GAL3ST1: variants seen among roughly 807,000 people sequenced by gnomAD.
GAL3ST1 encodes the protein galactosylceramide sulfotransferase.
GAL3ST1 carries 13 observed loss-of-function variants against 25.0 expected under a neutral mutation model. The observed-to-expected ratio is 0.52, with a 90% CI of 0.34 to 0.83. GAL3ST1 has a LOEUF of 0.83. Ranked by LOEUF, GAL3ST1 falls within the 40% of genes least tolerant of loss-of-function variation. The probability of loss-of-function intolerance (pLI) is 0.02; values close to 1 mark genes in which losing one functional copy is unlikely to be tolerated. For missense variants in GAL3ST1, 474 were observed against 613.6 expected (o/e 0.77, Z 2.40); for synonymous variants, 274 against 277.8 (o/e 0.99, Z 0.14).
intron 3 of GAL3ST1, among the ~76,000 whole-genome samples, chr22:30,556,610 C>T (rs1181722043): frequency 6.6e-6 from 1 of 152,184 alleles, no homozygotes; most frequent in Non-Finnish European, 1.5e-5. Flanking sequence ...AATCCATGCC[C>T]ATGGACAGGT....
intron 1 of GAL3ST1, among the ~76,000 whole-genome samples, chr22:30,562,565 C>T (rs2086469116): frequency 1.3e-5 from 2 of 152,200 alleles, no homozygotes; most frequent in Admixed American, 1.3e-4. Context: ...GGTTCACCGG[C>T]GTGCCAGAGG....
At chr22:30,564,448 G>C (rs1369709885) in intron 1 of GAL3ST1, among the ~76,000 whole-genome samples, 1 of 152,172 alleles carries the variant, frequency 6.6e-6, no homozygotes, top group East Asian at 1.9e-4. Flanking sequence ...CCCAGCAGCA[G>C]CAGAGACAGG....
chr22:30,567,465 G>C (rs2086659800), intron 1 of GAL3ST1, among the ~76,000 whole-genome samples: 1 of 152,068 alleles, frequency 6.6e-6, no homozygotes, highest in Non-Finnish European at 1.5e-5. Flanking sequence ...TTTTTGTAGA[G>C]ATGGGGTCTT....
Position 30,556,032 on chromosome 22 carries a change from C to T in GAL3ST1, c.193G>A (p.Ala65Thr), listed in dbSNP as rs145255306. 656 of 1,612,834 alleles carry T rather than the reference C, an allele frequency of 4.1e-4. 1 individual carries two copies. In the African/African-American group the frequency reaches 5.6e-3, roughly 14 times the overall value. Residue 65 changes from alanine (A) to threonine (T), a missense_variant, in exon 4 of 4, where the codon GCC becomes ACC. Ala to Thr is a moderately conservative substitution (Grantham distance 58, BLOSUM62 0). Transcript: ENST00000406361. ...TGGCACTCCCCCGCCGAGCCGTTGGCCCGGATCACTGCCTCTGGCTCGAGT... is the reference window on the plus strand; with the variant it reads ...TGGCACTCCCCCGCCGAGCCGTTGGTCCGGATCACTGCCTCTGGCTCGAGT... ...PALEPEAVIR[A>T]NGSAGECQPR...
intron 1 of GAL3ST1, among the ~76,000 whole-genome samples, chr22:30,570,418 C>T (rs1421622503): frequency 2.0e-5 from 3 of 152,176 alleles, no homozygotes; most frequent in Non-Finnish European, 4.4e-5. Context: ...ATAAAAGTGG[C>T]CACTGCAGTA....
At chr22:30,556,432 G>T (rs1330089165) in intron 3 of GAL3ST1, among the ~76,000 whole-genome samples, 1 of 152,114 alleles carries the variant, frequency 6.6e-6, no homozygotes, top group East Asian at 1.9e-4. Context: ...GGACAAAAAT[G>T]GTCCATTTTT....
In GAL3ST1 at chr22:30,567,685, G is replaced by T. The variant is rs569064854; in HGVS notation, c.-120+6781C>A. 1.5e-4 allele frequency among the ~76,000 whole-genome samples: 23 copies of T among 152,074 alleles called. No individual in the cohort carries two copies. In the East Asian group the frequency reaches 1.7e-3, roughly 11 times the overall value. On this transcript the variant is annotated intron_variant, in intron 1 of 3. Transcript: ENST00000406361. ...ATAGTTTTTTGTTTGGTTGTTTTTTGTTGTTGTTGTTGTTTGAGACAGAGT... is the reference window on the plus strand; with the variant it reads ...ATAGTTTTTTGTTTGGTTGTTTTTTTTTGTTGTTGTTGTTTGAGACAGAGT...
chr22:30,559,876 C>T (rs2086281736), intron 1 of GAL3ST1, among the ~76,000 whole-genome samples: 1 of 152,240 alleles, frequency 6.6e-6, no homozygotes, highest in Admixed American at 6.5e-5. Context: ...CCGAACTTTC[C>T]ACTTCTGTCC....
intron 1 of GAL3ST1, among the ~76,000 whole-genome samples, chr22:30,572,389 AC>A (rs1054405409): frequency 9.2e-5 from 14 of 151,752 alleles, no homozygotes; most frequent in African/African-American, 3.1e-4. Flanking sequence ...TGGCTCCACC[AC>A]CCCCCAAGCT....
intron 1 of GAL3ST1, among the ~76,000 whole-genome samples, chr22:30,563,073 G>A (rs994330158): frequency 6.6e-5 from 10 of 152,030 alleles, no homozygotes; most frequent in African/African-American, 1.2e-4. Flanking sequence ...CTGAGATTGC[G>A]CCATTGCACT....
chr22:30,572,910 C>G (rs1350058076), intron 1 of GAL3ST1: 1 of 152,260 alleles, frequency 6.6e-6, no homozygotes, highest in Non-Finnish European at 1.5e-5. Flanking sequence ...CTGGATGGCA[C>G]ACCCAGTCCC....
At chr22:30,568,943 GC>G (rs2086702799) in intron 1 of GAL3ST1, among the ~76,000 whole-genome samples, 1 of 152,114 alleles carries the variant, frequency 6.6e-6, no homozygotes, top group Admixed American at 6.6e-5. Context: ...GGGCGTGATG[GC>G]AGGCGCATGT....
intron 1 of GAL3ST1, among the ~76,000 whole-genome samples, chr22:30,571,402 G>A (rs978173176): frequency 6.6e-6 from 1 of 152,206 alleles, no homozygotes; most frequent in African/African-American, 2.4e-5. Flanking sequence ...CGCTGGCTCA[G>A]AGGACCACTT....
At chr22:30,557,135 T>C (rs1227682905) in intron 3 of GAL3ST1, 127 bp downstream of exon 3, 1 of 876,884 alleles carries the variant, frequency 1.1e-6, no homozygotes, top group Non-Finnish European at 1.8e-6. Flanking sequence ...TGGCACAGCA[T>C]GGTGCAGGGT....
rs2086856855 is a variant in GAL3ST1, at chr22:30,574,635, C to G, written c.-289G>C. On this transcript the variant is annotated 5_prime_UTR_variant, in exon 1 of 4. Transcript: ENST00000406361. ...GCGCCGCGCCCGCTCCCGCGCCGCG[C>G]CCGCTCCCGGCCAGGTGCCGCCGCC... 1 of 146,932 alleles carries G rather than the reference C, an allele frequency of 6.8e-6. No homozygotes were observed. Among genetic ancestry groups the G allele is most frequent in the Non-Finnish European group, 1.5e-5 (1 of 65,710 alleles). 9.1% of individuals were successfully genotyped at this position (146,932 alleles called of 1,614,324 possible). A position where few individuals can be genotyped will look rare whatever the true frequency, so the allele number is the denominator to read the frequency against.
chr22:30,558,079 C>T (rs568006581), intron 2 of GAL3ST1, among the ~76,000 whole-genome samples, 200 bp downstream of exon 2: 83 of 151,858 alleles, frequency 5.5e-4, no homozygotes, highest in South Asian at 3.5e-3. Context: ...TGAGCCATCG[C>T]GCCCGACCAT....
Position 30,556,061 on chromosome 22 carries a change from G to A in GAL3ST1, c.164C>T (p.Pro55Leu), listed in dbSNP as rs947633590. Residue 55 changes from proline (P) to leucine (L), a missense_variant, in exon 4 of 4, where the codon CCT becomes CTT. By Grantham distance (98) the Pro-to-Leu change is moderately conservative (BLOSUM62 -3). Around this residue, in one of 2 missense-constraint regions of GAL3ST1, gnomAD observed 115 missense variants for 109.2 expected, o/e 1.05. Coordinates refer to ENST00000406361, the MANE Select transcript of GAL3ST1 (RefSeq NM_001318104.2). ...GATCACTGCCTCTGGCTCGAGTGCA[G>A]GTGGAGAGCAGGACGCTGCGGCCTC... ...TPEAAASCSP[P>L]ALEPEAVIRA... 1 of 1,611,124 alleles carries A rather than the reference G, an allele frequency of 6.2e-7. No homozygotes were observed. The highest frequency in any genetic ancestry group is 1.7e-4 in the Middle Eastern group (1 of 6,060).
chr22:30,563,551 G>A (rs1000817145), intron 1 of GAL3ST1, among the ~76,000 whole-genome samples: 6 of 152,166 alleles, frequency 3.9e-5, no homozygotes, highest in African/African-American at 1.2e-4. Flanking sequence ...GGGAGGTCGA[G>A]GCTGCAGTGA....
rs1357591981 is a variant in GAL3ST1 at position 30,555,432 on chromosome 22, G to A, written c.793C>T (p.Leu265=). ...ACGTCCTCCAGCTCCCAGCACAGCAGGTCCTTCAGCAGCACCAGCGACTCG... is the reference window on the plus strand; with the variant it reads ...ACGTCCTCCAGCTCCCAGCACAGCAAGTCCTTCAGCAGCACCAGCGACTCG... ...FDESLVLLKD[L]LCWELEDVLY... is the part of the protein sequence containing the mutation. Residue 265 remains leucine, a synonymous_variant, in exon 4 of 4, where the codon CTG becomes TTG. Transcript: ENST00000406361. This position sits in a 1 kb window ranked among gnomAD's most constrained non-coding sequence, Gnocchi z 8.6. The A allele has an allele frequency of 1.2e-5, 20 of 1,611,868 alleles. No homozygotes were observed. Among genetic ancestry groups the A allele is most frequent in the Non-Finnish European group, 1.5e-5 (18 of 1,179,928 alleles).
Sources: allele counts gnomAD v4.1 joint callset (sites outside exome capture counted in the v4.1 genomes callset), GRCh38; gene constraint gnomAD v4.1.1; regional missense constraint gnomAD v4.1.1; non-coding constraint Gnocchi (gnomAD v3.1); transcripts MANE v1.5; gene names NCBI Gene and HGNC (gene_info 2026-07-23, HGNC 2026-07-21).